The following WNK3 variants were observed in gnomAD, a reference collection of about 807,000 sequenced individuals.
WNK3 encodes the protein WNK lysine deficient protein kinase 3, also known as serine/threonine-protein kinase WNK3.
A neutral mutation model predicts 116.7 loss-of-function variants in WNK3; 18 were observed. The ratio of observed to expected loss-of-function variants is 0.15; its 90% CI spans 0.11 to 0.23. The LOEUF (loss-of-function observed/expected upper bound fraction) is 0.23. Among genes scored for constraint, WNK3 ranks in the 10% least tolerant of loss-of-function variants. The pLI, the probability that WNK3 is intolerant of heterozygous loss-of-function variation, is 1.00. For synonymous variants in WNK3, 404 were observed against 469.4 expected (o/e 0.86, Z 1.80); for missense variants, 993 against 1,323.8 (o/e 0.75, Z 3.88).
intron 10 of WNK3, among the ~76,000 whole-genome samples, chrX:54,272,136 T>C (rs781929724): frequency 8.9e-6 from 1 of 112,446 alleles, no homozygotes; most frequent in Non-Finnish European, 1.9e-5. Flanking sequence ...CCCTGGAAAC[T>C]AGAATATCTC....
chrX:54,249,273 A>G (rs782689283), exon 17 of WNK3: 9 of 1,211,926 alleles, frequency 7.4e-6, no homozygotes, highest in Non-Finnish European at 1.0e-5. Context: ...CAGAAGTCTG[A>G]GTTGATTCGC....
In WNK3 at chrX:54,232,113, G is replaced by GTGTATA. The variant is rs1353154268; in HGVS notation, c.4840+695_4840+696insTATACA. Among the ~76,000 whole-genome samples, 91 of 95,091 alleles carry GTGTATA rather than the reference G, an allele frequency of 9.6e-4. 1 individual carries two copies. The highest frequency in any genetic ancestry group is 3.5e-3 in the African/African-American group (86 of 24,850). 82.6% of individuals were successfully genotyped at this position (95,091 alleles called of 115,157 possible). On this transcript the variant is annotated intron_variant, in intron 21 of 23. Transcript: ENST00000354646. The stretch of plus-strand genomic sequence containing the variant: ...TGTGTATATGTGTGTGTGTGTGTGT[G>GTGTATA]TATATATATATATATATATATATGT...
chrX:54,326,176 C>T (rs1353345086), intron 2 of WNK3, among the ~76,000 whole-genome samples: 13 of 107,558 alleles, frequency 1.2e-4, no homozygotes, highest in African/African-American at 4.4e-4. Context: ...CTGTAAGCTC[C>T]GCCTCCTGGG....
chrX:54,292,987 T>C (rs1557165392), exon 10 of WNK3: 4 of 1,211,374 alleles, frequency 3.3e-6, no homozygotes, highest in Admixed American at 2.2e-5. Context: ...TGGACTGACC[T>C]TGAACCAAAG....
chrX:54,251,343 G>A, intron 15 of WNK3, 56 bp downstream of exon 15: 1 of 881,029 alleles, frequency 1.1e-6, no homozygotes, highest in Non-Finnish European at 1.6e-6. Context: ...TGTGTTAAAA[G>A]TTTTCAAATG....
intron 22 of WNK3, among the ~76,000 whole-genome samples, chrX:54,227,379 T>C (rs1449717337): frequency 8.9e-6 from 1 of 112,050 alleles, no homozygotes; most frequent in Non-Finnish European, 1.9e-5. Context: ...TCATATATCT[T>C]CTTTAGAAAA....
At chrX:54,244,938 G>A (rs1347321159) in intron 17 of WNK3, among the ~76,000 whole-genome samples, 3 of 110,572 alleles carry the variant, frequency 2.7e-5, no homozygotes, top group Non-Finnish European at 3.8e-5. Context: ...CCTAACCTTG[G>A]CAAAATAAAA....
At chrX:54,311,769 T>A in intron 2 of WNK3, among the ~76,000 whole-genome samples, 1 of 111,691 alleles carries the variant, frequency 9.0e-6, no homozygotes, top group Non-Finnish European at 1.9e-5. Flanking sequence ...TATGAACCAG[T>A]GAGACATTCA....
chrX:54,209,637 G>A (rs1391211894), intron 22 of WNK3, among the ~76,000 whole-genome samples: 2 of 87,297 alleles, frequency 2.3e-5, no homozygotes, highest in African/African-American at 4.4e-5. Flanking sequence ...TGCAACCTCC[G>A]CCTCCTGGAT....
intron 4 of WNK3, 25 bp downstream of exon 4, chrX:54,309,070 C>G (rs1557169216): frequency 8.5e-7 from 1 of 1,171,898 alleles, no homozygotes. Flanking sequence ...TTTACCCAAC[C>G]AGTAAACTGT....
At position 54,208,175 on chromosome X, in the gene WNK3, A is replaced by T. The variant is rs368391562; in HGVS notation, c.4871-5982T>A. On this transcript the variant is annotated intron_variant, in intron 22 of 23. Coordinates refer to ENST00000354646, the Ensembl canonical transcript of WNK3. ...AATCTTGCTCTGTCGCCCAGGCTGC[A>T]GTGCAGTGGCGCGATCTCAGCTCAC... 9.9e-5 allele frequency among the ~76,000 whole-genome samples: 11 copies of T among 110,593 alleles called. No homozygotes were observed. The East Asian group carries it at 2.3e-3, about 23-fold the overall frequency.
At chrX:54,288,913 A>C (rs2068609219) in intron 10 of WNK3, among the ~76,000 whole-genome samples, 1 of 111,637 alleles carries the variant, frequency 9.0e-6, no homozygotes, top group Non-Finnish European at 1.9e-5. Context: ...TGTCATGTGT[A>C]CTCACTTGCT....
intron 13 of WNK3, 147 bp downstream of exon 13, chrX:54,253,812 C>T (rs1405846652): frequency 7.3e-6 from 3 of 409,842 alleles, no homozygotes; most frequent in Non-Finnish European, 1.3e-5. Flanking sequence ...GTGACTTACA[C>T]TTGATGATAA....
At chrX:54,318,099 C>T (rs1384782275) in intron 2 of WNK3, among the ~76,000 whole-genome samples, 1 of 109,987 alleles carries the variant, frequency 9.1e-6, no homozygotes, top group Admixed American at 9.7e-5. Context: ...TGGCTCACGC[C>T]TGTAATCCCA....
chrX:54,353,049 G>A (rs782289672), intron 1 of WNK3, among the ~76,000 whole-genome samples: 25 of 112,073 alleles, frequency 2.2e-4, no homozygotes, highest in African/African-American at 7.4e-4. Context: ...GGGACTTGGA[G>A]GAAGGGACAA....
At chrX:54,207,830 T>C (rs1557142991) in intron 22 of WNK3, among the ~76,000 whole-genome samples, 1 of 110,851 alleles carries the variant, frequency 9.0e-6, no homozygotes, top group East Asian at 2.8e-4. Context: ...CATTTATCCT[T>C]TGAGACCAAC....
At chrX:54,310,557 TAATAAAATAAAATAA>T (rs1303174193) in intron 3 of WNK3, among the ~76,000 whole-genome samples, 2 of 104,648 alleles carry the variant, frequency 1.9e-5, no homozygotes, top group Non-Finnish European at 3.8e-5. Flanking sequence ...TCCCAAAAAA[TAATAAAATAAAATAA>T]AATAAAATAA....
rs138511609 is a variant in WNK3, at chrX:54,239,028, G to A, written c.3723C>T (p.Ala1241=). ...ATCCACCTCCTGTCTGCAGATGAAT[G>A]GCTCCACCGCTTGACACAGCAGCAG... The change falls in exon 18 of 24, where the codon GCC becomes GCT. Residue 1241 remains alanine (A), a synonymous_variant. Transcript: ENST00000354646. 205 of 1,207,218 alleles carry A rather than the reference G, an allele frequency of 1.7e-4. No homozygotes were observed. In the African/African-American group the frequency reaches 3.2e-3, roughly 19 times the overall value.
chrX:54,245,729 G>T lies in WNK3; in HGVS notation c.3651+2968C>A, dbSNP rs1299910274. On this transcript the variant is annotated intron_variant, in intron 17 of 23. Transcript: ENST00000354646. ...TTTACAAATATTTAAACTTGTTTGT[G>T]AATCCTTTCCTGTTACCAATAATCA... is the stretch of plus-strand genomic sequence containing the variant. Among the ~76,000 whole-genome samples the T allele has an allele frequency of 1.6e-4, 18 of 111,669 alleles. No homozygotes were observed. The Admixed American group carries it at 1.7e-3, about 11-fold the overall frequency.
Sources: allele counts gnomAD v4.1 joint callset (sites outside exome capture counted in the v4.1 genomes callset), GRCh38; gene constraint gnomAD v4.1.1; transcripts MANE v1.5; gene names NCBI Gene and HGNC (gene_info 2026-07-23, HGNC 2026-07-21).